RC3H2: variants seen among roughly 807,000 people sequenced by gnomAD.
The protein encoded by RC3H2 is ring finger and CCCH-type domains 2.
In RC3H2, 31 loss-of-function variants were observed where a neutral mutation model predicts 133.3. The ratio of observed to expected loss-of-function variants is 0.23; its 90% CI spans 0.17 to 0.31. The LOEUF is 0.31. RC3H2 is among the 10% of genes least tolerant of loss of function. The pLI is 1.00. For missense variants in RC3H2, 1,175 were observed against 1,437.2 expected (o/e 0.82, Z 2.95); for synonymous variants, 517 against 502.2 (o/e 1.03, Z -0.40).
chr9:122,854,367 T>G, intron 16 of RC3H2, 101 bp from the exon 17 acceptor site: 5 of 1,237,990 alleles, frequency 4.0e-6, no homozygotes, highest in Admixed American at 2.0e-5. Context: ...CCCTGAAAAC[T>G]TCACTCATCG....
Position 122,880,476 on chromosome 9 carries a change from G to A in RC3H2, c.960+118C>T, listed in dbSNP as rs1009253811. On this transcript the variant is annotated intron_variant, in intron 6 of 20. Coordinates refer to ENST00000357244, the MANE Select transcript of RC3H2 (RefSeq NM_001100588.3). ...AAGAAAATAAGGATAATTTATAAGAGTCTGACATTTAAAAACATAGGAATC... is the reference window on the plus strand; with the variant it reads ...AAGAAAATAAGGATAATTTATAAGAATCTGACATTTAAAAACATAGGAATC... 1.1e-4 allele frequency: 93 copies of A among 817,664 alleles called. 2 individuals carry two copies. Among genetic ancestry groups the A allele is most frequent in the Middle Eastern group, 6.3e-4 (2 of 3,160 alleles). 50.7% of individuals were successfully genotyped at this position (817,664 alleles called of 1,614,324 possible).
rs940113327 is a variant in RC3H2, at chr9:122,868,138, C to T, written c.1326-2481G>A. 7.4e-5 allele frequency among the ~76,000 whole-genome samples: 11 copies of T among 149,412 alleles called. No homozygotes were observed. In the East Asian group the frequency reaches 8.3e-4, roughly 11 times the overall value. ...GAGGTGGGGGTGTCAGCCCCCCGCCCGGCCAGCCGCCCTGTCGGGGATGTG... is the reference window on the plus strand; with the variant it reads ...GAGGTGGGGGTGTCAGCCCCCCGCCTGGCCAGCCGCCCTGTCGGGGATGTG... On this transcript the variant is annotated intron_variant, in intron 9 of 20. Transcript: ENST00000357244.
chr9:122,904,231 G>C (rs1195376034), intron 1 of RC3H2, among the ~76,000 whole-genome samples: 2 of 152,310 alleles, frequency 1.3e-5, no homozygotes, highest in South Asian at 4.1e-4. Context: ...ATTAAAAAGG[G>C]AACCCAAGGG....
intron 2 of RC3H2, among the ~76,000 whole-genome samples, chr9:122,894,567 G>A (rs1370379734): frequency 6.6e-6 from 1 of 152,088 alleles, no homozygotes; most frequent in Non-Finnish European, 1.5e-5. Context: ...AGAACTGTGA[G>A]ATATGAATGA....
chr9:122,864,620 CCCT>C (rs897670620), intron 10 of RC3H2, among the ~76,000 whole-genome samples: 6 of 151,458 alleles, frequency 4.0e-5, no homozygotes, highest in African/African-American at 1.5e-4. Context: ...CCAAAGAGTC[CCCT>C]CCTTTTTTTT....
chr9:122,863,795 G>A (rs1429331616), intron 10 of RC3H2, among the ~76,000 whole-genome samples: 1 of 151,702 alleles, frequency 6.6e-6, no homozygotes, highest in Admixed American at 6.6e-5. Flanking sequence ...GGCGTACAAC[G>A]GTGCGATCTT....
chr9:122,858,239 T>TTAAAATAAAATAAAATAAAA (rs1830325516), intron 12 of RC3H2, 146 bp from the exon 13 acceptor site: 2 of 701,436 alleles, frequency 2.9e-6, no homozygotes, highest in Non-Finnish European at 4.6e-6. Flanking sequence ...CTCCATACAC[T>TTAAAATAAAATAAAATAAAA]TAAAATAAAA....
At chr9:122,852,847 C>T (rs1232978473) in intron 18 of RC3H2, among the ~76,000 whole-genome samples, 1 of 152,140 alleles carries the variant, frequency 6.6e-6, no homozygotes, top group East Asian at 1.9e-4. Context: ...AGTGAGGAGC[C>T]CCTCTGCCCA....
At chr9:122,862,361 G>C (rs12376593) in intron 10 of RC3H2, among the ~76,000 whole-genome samples, 2 of 152,220 alleles carry the variant, frequency 1.3e-5, no homozygotes, top group African/African-American at 4.8e-5. Flanking sequence ...ATGACTTTCA[G>C]GATTCTAGGC....
chr9:122,893,248 C>A (rs910651485), intron 2 of RC3H2, among the ~76,000 whole-genome samples: 2 of 152,136 alleles, frequency 1.3e-5, no homozygotes, highest in African/African-American at 4.8e-5. Context: ...AATCCCAGCA[C>A]TTTGGGAGGC....
At chr9:122,892,488 T>C (rs1374049280) in intron 3 of RC3H2, among the ~76,000 whole-genome samples, 1 of 152,144 alleles carries the variant, frequency 6.6e-6, no homozygotes, top group East Asian at 1.9e-4. Context: ...CTCGGCTCAC[T>C]GCAAGCTCTG....
chr9:122,884,341 G>A (rs1035342292), intron 4 of RC3H2, among the ~76,000 whole-genome samples: 24 of 152,030 alleles, frequency 1.6e-4, no homozygotes, highest in Non-Finnish European at 7.4e-5. Context: ...GATATGCAAA[G>A]GACCCACAGT....
At position 122,846,234 on chromosome 9, in the gene RC3H2, A is replaced by G. The variant is rs1396182458; in HGVS notation, c.*3393T>C. On this transcript the variant is annotated 3_prime_UTR_variant, in exon 21 of 21. Transcript: ENST00000357244. Reference sequence around the variant, plus strand: ...TCTGAAAGTGACTAGATCCATACAAATGGAAAATTTCAGTTCTTGTATAGG... The same window carrying G: ...TCTGAAAGTGACTAGATCCATACAAGTGGAAAATTTCAGTTCTTGTATAGG... 1 of 152,220 alleles carries G rather than the reference A, an allele frequency of 6.6e-6. No individual in the cohort carries two copies. Among genetic ancestry groups the G allele is most frequent in the East Asian group, 1.9e-4 (1 of 5,202 alleles). 9.4% of individuals were successfully genotyped at this position (152,220 alleles called of 1,614,324 possible). A position where few individuals can be genotyped will look rare whatever the true frequency, so the allele number is the denominator to read the frequency against.
intron 4 of RC3H2, among the ~76,000 whole-genome samples, chr9:122,884,877 T>C (rs1410779070): frequency 6.6e-6 from 1 of 150,854 alleles, no homozygotes; most frequent in Non-Finnish European, 1.5e-5. Flanking sequence ...AGAAATATTC[T>C]GTAAAACAAA....
At chr9:122,890,766 G>T (rs1832128852) in intron 3 of RC3H2, among the ~76,000 whole-genome samples, 1 of 151,982 alleles carries the variant, frequency 6.6e-6, no homozygotes, top group Non-Finnish European at 1.5e-5. Context: ...AAGTAAAAAT[G>T]ACTCTATTTT....
chr9:122,901,450 G>T (rs1419328847), intron 1 of RC3H2, among the ~76,000 whole-genome samples: 2 of 152,134 alleles, frequency 1.3e-5, no homozygotes, highest in Non-Finnish European at 2.9e-5. Flanking sequence ...GAATTGAATT[G>T]CAATTTAAAA....
At chr9:122,860,440 C>A (rs1830415401) in intron 10 of RC3H2, among the ~76,000 whole-genome samples, 1 of 142,680 alleles carries the variant, frequency 7.0e-6, no homozygotes, top group Non-Finnish European at 1.5e-5. Flanking sequence ...CAGGGTGTCA[C>A]TCTGTCACCC....
chr9:122,862,623 A>G (rs1830499578), intron 10 of RC3H2, among the ~76,000 whole-genome samples: 5 of 152,206 alleles, frequency 3.3e-5, no homozygotes, highest in African/African-American at 1.2e-4. Flanking sequence ...AGCTGGGCAC[A>G]GTGGCTCACA....
intron 11 of RC3H2, 50 bp downstream of exon 11, chr9:122,859,864 ATCT>A: frequency 7.3e-7 from 1 of 1,367,150 alleles, no homozygotes; most frequent in Non-Finnish European, 1.0e-6. Context: ...TCATTCATTT[ATCT>A]AAAGGAAACA....
Sources: gnomAD v4.1 joint callset for allele counts (sites outside exome capture counted in the v4.1 genomes callset) on GRCh38, gnomAD v4.1.1 for gene constraint, MANE v1.5 for transcripts, NCBI Gene and HGNC (gene_info 2026-07-23, HGNC 2026-07-21) for gene names.